Variants in ARHGAP40 observed in about 807,000 individuals in gnomAD.
The protein encoded by ARHGAP40 is Rho GTPase activating protein 40, also known as rho GTPase-activating protein 40.
ARHGAP40 carries 43 observed loss-of-function variants against 73.5 expected under a neutral mutation model. The ratio of observed to expected loss-of-function variants is 0.58; its 90% CI spans 0.46 to 0.75. ARHGAP40 has a LOEUF of 0.75. Among genes scored for constraint, ARHGAP40 ranks in the 30% least tolerant of loss-of-function variants. ARHGAP40 has a pLI of 0.00. For missense variants in ARHGAP40, 734 were observed against 861.8 expected (o/e 0.85, Z 1.86); for synonymous variants, 300 against 352.8 (o/e 0.85, Z 1.68).
chr20:38,637,635 G>A (rs2088984286), intron 6 of ARHGAP40, 73 bp from the exon 7 acceptor site: 2 of 1,173,766 alleles, frequency 1.7e-6, no homozygotes, highest in Admixed American at 2.3e-5. Context: ...AGTTGCCCAG[G>A]AGATCCTGTA....
intron 14 of ARHGAP40, among the ~76,000 whole-genome samples, chr20:38,649,213 G>A (rs924941441): frequency 3.3e-5 from 5 of 152,188 alleles, no homozygotes; most frequent in Non-Finnish European, 4.4e-5. Flanking sequence ...CACAGATTGC[G>A]GGGCCTAAGA....
chr20:38,641,711 C>A lies in ARHGAP40; in HGVS notation c.1280-15C>A. On this transcript the variant is annotated splice_polypyrimidine_tract_variant and intron_variant, in intron 9 of 14. Coordinates refer to ENST00000373345, the Ensembl canonical transcript of ARHGAP40. Reference sequence around the variant, plus strand: ...TGAGCCTCCCATGGAGACTGAGGTCCCTCCCTTCCCGCAGACATCCCCAAC... The same window carrying A: ...TGAGCCTCCCATGGAGACTGAGGTCACTCCCTTCCCGCAGACATCCCCAAC... 2.3e-6 allele frequency: 3 copies of A among 1,293,544 alleles called. No individual in the cohort carries two copies. The highest frequency in any genetic ancestry group is 3.0e-6 in the Non-Finnish European group (3 of 984,300). The allele number at this position is 1,293,544 out of a possible 1,614,324, so 80.1% of individuals were successfully genotyped here.
At chr20:38,627,879 A>G (rs2088912541) in intron 3 of ARHGAP40, among the ~76,000 whole-genome samples, 1 of 152,164 alleles carries the variant, frequency 6.6e-6, no homozygotes, top group African/African-American at 2.4e-5. Context: ...TTATTGATGC[A>G]GGGCAGGCAA....
At chr20:38,636,101 G>C (rs762592335) in intron 6 of ARHGAP40, among the ~76,000 whole-genome samples, 40 of 152,142 alleles carry the variant, frequency 2.6e-4, no homozygotes, top group Non-Finnish European at 4.7e-4. Context: ...TAGTCACATG[G>C]CCTAGCAAGG....
intron 1 of ARHGAP40, among the ~76,000 whole-genome samples, chr20:38,610,173 C>CTG (rs140124338): frequency 1.4e-4 from 21 of 151,770 alleles, no homozygotes; most frequent in Non-Finnish European, 2.4e-4. Flanking sequence ...TTATGCATCT[C>CTG]TGTGTGTGTG....
intron 5 of ARHGAP40, among the ~76,000 whole-genome samples, chr20:38,630,802 T>A (rs73905652): frequency 0.014 from 2,198 of 152,262 alleles, 51 homozygotes; most frequent in African/African-American, 0.049. Context: ...AGGTAATTCC[T>A]TTCCCTGCAG....
intron 1 of ARHGAP40, among the ~76,000 whole-genome samples, chr20:38,605,200 T>C (rs2088764084): frequency 6.6e-6 from 1 of 152,240 alleles, no homozygotes; most frequent in African/African-American, 2.4e-5. Context: ...TGGCTTGTTG[T>C]AGGTGTTCAT....
exon 9 of ARHGAP40, chr20:38,639,265 C>T (rs1256328518): frequency 6.1e-6 from 8 of 1,305,462 alleles, no homozygotes; most frequent in Admixed American, 4.6e-5. Flanking sequence ...TCTATGCTGG[C>T]CTTTTTAGCT....
At chr20:38,622,637 T>G (rs1217461412) in intron 1 of ARHGAP40, among the ~76,000 whole-genome samples, 1 of 152,152 alleles carries the variant, frequency 6.6e-6, no homozygotes, top group African/African-American at 2.4e-5. Flanking sequence ...GCCTGGATCA[T>G]GAAAGGCTGC....
At chr20:38,634,056 G>A (rs1042215261) in intron 5 of ARHGAP40, among the ~76,000 whole-genome samples, 14 of 152,122 alleles carry the variant, frequency 9.2e-5, no homozygotes, top group African/African-American at 3.1e-4. Flanking sequence ...ATTTGCTCCC[G>A]CTAAAATTTT....
chr20:38,648,306 C>T (rs2089066408), intron 13 of ARHGAP40, among the ~76,000 whole-genome samples: 2 of 152,238 alleles, frequency 1.3e-5, no homozygotes, highest in South Asian at 4.1e-4. Flanking sequence ...AAAATCTTCC[C>T]CTCACAGCAG....
intron 3 of ARHGAP40, 106 bp from the exon 4 acceptor site, chr20:38,628,821 G>T (rs1466015824): frequency 9.0e-6 from 7 of 778,062 alleles, no homozygotes; most frequent in South Asian, 7.1e-5. Flanking sequence ...GGCTTCAGTG[G>T]CTCCATCTGT....
At chr20:38,627,154 G>A (rs1333933346) in exon 3 of ARHGAP40, 22 of 1,305,346 alleles carry the variant, frequency 1.7e-5, no homozygotes, top group African/African-American at 4.6e-5. Flanking sequence ...CGCTCAGTGC[G>A]AAGACAACAC....
intron 1 of ARHGAP40, among the ~76,000 whole-genome samples, chr20:38,622,295 T>G (rs1344967704): frequency 6.6e-6 from 1 of 152,218 alleles, no homozygotes; most frequent in Non-Finnish European, 1.5e-5. Flanking sequence ...TTGAGGAAAC[T>G]GGGGAAATGG....
Position 38,634,803 on chromosome 20 carries a change from AG to A in ARHGAP40, c.949+21del. ...AGCGGCAGGTGAGCAGCCCCAGCCC[AG>A]GGAAAGCCCTGTGGCCACAGTCCTC... On this transcript the variant is annotated intron_variant, in intron 6 of 14. Transcript: ENST00000373345. 1 of 1,257,696 alleles carries A rather than the reference AG, an allele frequency of 8.0e-7. No individual in the cohort carries two copies. Among genetic ancestry groups the A allele is most frequent in the East Asian group, 5.6e-5 (1 of 17,712 alleles). The allele number at this position is 1,257,696 out of a possible 1,614,324, so 77.9% of individuals were successfully genotyped here. A position where few individuals can be genotyped will look rare whatever the true frequency, so the allele number is the denominator to read the frequency against.
At position 38,646,331 on chromosome 20, in the gene ARHGAP40, C is replaced by T. The variant is rs2145616313; in HGVS notation, c.1710+144C>T. 1 of 988,666 alleles carries T rather than the reference C, an allele frequency of 1.0e-6. No homozygotes were observed. Among genetic ancestry groups the T allele is most frequent in the Non-Finnish European group, 1.3e-6 (1 of 782,078 alleles). The allele number at this position is 988,666 out of a possible 1,614,324, so 61.2% of individuals were successfully genotyped here. A position where few individuals can be genotyped will look rare whatever the true frequency, so the allele number is the denominator to read the frequency against. ...AGGCCACCAGGGGGCGTTGCGGCGC[C>T]GTCACGGGGAGCGAGGAGGCGTGGC... On this transcript the variant is annotated intron_variant, in intron 12 of 14. Transcript: ENST00000373345. The surrounding 1 kb of genome is among the most constrained non-coding windows in gnomAD (Gnocchi z 4.5).
At chr20:38,638,939 T>C (rs2088995396) in intron 8 of ARHGAP40, 101 bp downstream of exon 8, 1 of 1,102,818 alleles carries the variant, frequency 9.1e-7, no homozygotes, top group Admixed American at 2.3e-5. Flanking sequence ...GCCAGTGATC[T>C]GTCTTTGGTC....
At chr20:38,639,605 G>T (rs2089001867) in intron 9 of ARHGAP40, among the ~76,000 whole-genome samples, 1 of 152,280 alleles carries the variant, frequency 6.6e-6, no homozygotes, top group South Asian at 2.1e-4. Context: ...TATGGCATGT[G>T]TGCAGGTGTG....
intron 6 of ARHGAP40, among the ~76,000 whole-genome samples, chr20:38,635,293 A>G (rs2088967617): frequency 6.6e-6 from 1 of 152,214 alleles, no homozygotes; most frequent in Non-Finnish European, 1.5e-5. Context: ...AAAGGAAAAA[A>G]TATAATTCAG....
Sources: allele counts gnomAD v4.1 joint callset (sites outside exome capture counted in the v4.1 genomes callset), GRCh38; gene constraint gnomAD v4.1.1; non-coding constraint Gnocchi (gnomAD v3.1); transcripts MANE v1.5; gene names NCBI Gene and HGNC (gene_info 2026-07-23, HGNC 2026-07-21).